The following TMEM74 variants were observed in gnomAD, a reference collection of about 807,000 sequenced individuals.
TMEM74 encodes the protein transmembrane protein 74.
A neutral mutation model predicts 18.1 loss-of-function variants in TMEM74; 13 were observed. The ratio of observed to expected loss-of-function variants is 0.72; its 90% CI spans 0.47 to 1.14. The LOEUF (loss-of-function observed/expected upper bound fraction) is 1.14, where lower values mean the gene tolerates loss of function less well. TMEM74 is among the 50% of genes most tolerant of loss of function. The probability of loss-of-function intolerance (pLI) is 0.00; values close to 1 mark genes in which losing one functional copy is unlikely to be tolerated. For missense variants in TMEM74, 372 were observed against 375.9 expected (o/e 0.99, Z 0.09); for synonymous variants, 159 against 146.6 (o/e 1.08, Z -0.61).
intron 1 of TMEM74, among the ~76,000 whole-genome samples, chr8:108,766,096 C>T (rs1463457839): frequency 6.6e-6 from 1 of 152,142 alleles, no homozygotes; most frequent in East Asian, 1.9e-4. Context: ...TAAATGACCT[C>T]ATCCAGCAGG....
In TMEM74 at chr8:108,721,145, C is replaced by T. The variant is rs111661145; in HGVS notation, n.120-65708G>A. On this transcript the variant is annotated intron_variant and non_coding_transcript_variant, in intron 1 of 3. Transcript: ENST00000518838. ...TTTAATCAGCATTAATTGAATGTCT[C>T]CTATGAGTAATGTGCTGGAGATACA... 4.4e-3 allele frequency among the ~76,000 whole-genome samples: 670 copies of T among 152,268 alleles called. 4 individuals carry two copies. Among genetic ancestry groups the T allele is most frequent in the African/African-American group, 0.015 (641 of 41,530 alleles).
At chr8:108,652,266 C>A (rs934675315) in intron 2 of TMEM74, 1 of 154,328 alleles carries the variant, frequency 6.5e-6, no homozygotes, top group East Asian at 1.9e-4. Flanking sequence ...ATCATGCAAC[C>A]TTTAAAAGAA....
intron 2 of TMEM74, among the ~76,000 whole-genome samples, chr8:108,619,825 T>A (rs867831583): frequency 6.6e-6 from 1 of 152,200 alleles, no homozygotes; most frequent in Admixed American, 6.5e-5. Flanking sequence ...ATCTTTTAAA[T>A]GTCTGTGTAT....
intron 1 of TMEM74, among the ~76,000 whole-genome samples, chr8:108,773,282 A>AT (rs1251259643): frequency 8.5e-5 from 13 of 152,178 alleles, no homozygotes; most frequent in African/African-American, 2.2e-4. Context: ...GTCAGCTCTG[A>AT]TTTTTTAAAG....
intron 2 of TMEM74, among the ~76,000 whole-genome samples, chr8:108,626,261 ATGCTAT>A (rs1381997446): frequency 9.9e-5 from 15 of 152,072 alleles, no homozygotes; most frequent in African/African-American, 3.6e-4. Context: ...AAAATCCAGA[ATGCTAT>A]TGTATGATTC....
At chr8:108,725,872 C>T (rs1248070806) in intron 1 of TMEM74, among the ~76,000 whole-genome samples, 2 of 152,020 alleles carry the variant, frequency 1.3e-5, no homozygotes, top group Admixed American at 6.6e-5. Flanking sequence ...ATAAATTACT[C>T]AAAGGATAAT....
intron 2 of TMEM74, among the ~76,000 whole-genome samples, chr8:108,625,652 AAT>A (rs374510793): frequency 6.8e-4 from 104 of 152,100 alleles, no homozygotes; most frequent in African/African-American, 2.3e-3. Context: ...TACTTTATCA[AAT>A]ATATATCATT....
intron 1 of TMEM74, among the ~76,000 whole-genome samples, chr8:108,768,304 A>C (rs1814132793): frequency 6.6e-6 from 1 of 152,064 alleles, no homozygotes; most frequent in African/African-American, 2.4e-5. Context: ...TGAAATGACT[A>C]ATTTATTGCC....
chr8:108,617,024 G>T (rs1405999217), intron 2 of TMEM74, among the ~76,000 whole-genome samples: 1 of 151,662 alleles, frequency 6.6e-6, no homozygotes, highest in African/African-American at 2.4e-5. Flanking sequence ...TATAGTGGTA[G>T]AGCAGAGCAA....
Position 108,738,231 on chromosome 8 carries a change from A to G in TMEM74, n.119+49245T>C, listed in dbSNP as rs371284944. 2.7e-4 allele frequency among the ~76,000 whole-genome samples: 41 copies of G among 152,234 alleles called. No homozygotes were observed. The East Asian group carries it at 6.2e-3, about 23-fold the overall frequency. Reference sequence around the variant, plus strand: ...CCCACCTCTCTACTAAGCTTAATAAATGTTTGTGAATGGATCATAATTGTA... The same window carrying G: ...CCCACCTCTCTACTAAGCTTAATAAGTGTTTGTGAATGGATCATAATTGTA... On this transcript the variant is annotated intron_variant and non_coding_transcript_variant, in intron 1 of 3. Transcript: ENST00000518838.
chr8:108,688,616 G>A (rs1238154207), intron 1 of TMEM74, among the ~76,000 whole-genome samples: 1 of 152,116 alleles, frequency 6.6e-6, no homozygotes, highest in East Asian at 1.9e-4. Flanking sequence ...GATGTGCCTT[G>A]GCCAAAGGAA....
intron 2 of TMEM74, among the ~76,000 whole-genome samples, chr8:108,633,602 T>C (rs1197410413): frequency 6.6e-6 from 1 of 152,022 alleles, no homozygotes; most frequent in Non-Finnish European, 1.5e-5. Flanking sequence ...ATATAAGCAG[T>C]GAGTGCTAGA....
chr8:108,756,703 G>GAAAGAAAGAAT (rs1813976104), intron 1 of TMEM74, among the ~76,000 whole-genome samples: 1 of 69,090 alleles, frequency 1.4e-5, no homozygotes, highest in African/African-American at 5.5e-5. Flanking sequence ...AAAGAAGGAA[G>GAAAGAAAGAAT]GAAAGAAAGA....
intron 2 of TMEM74, among the ~76,000 whole-genome samples, chr8:108,632,895 G>A (rs552511397): frequency 1.3e-5 from 2 of 151,966 alleles, no homozygotes; most frequent in Non-Finnish European, 2.9e-5. Flanking sequence ...AGTAGAACAT[G>A]TTCTTCTAGT....
intron 1 of TMEM74, among the ~76,000 whole-genome samples, chr8:108,742,827 G>A (rs189982414): frequency 2.8e-3 from 431 of 152,244 alleles, no homozygotes; most frequent in Middle Eastern, 0.017. Flanking sequence ...AGAGACTTCC[G>A]TGTGAATCAA....
chr8:108,728,849 GC>G lies in TMEM74; in HGVS notation n.119+58626del, dbSNP rs978474658. On this transcript the variant is annotated intron_variant and non_coding_transcript_variant, in intron 1 of 3. Coordinates refer to the TMEM74 transcript ENST00000518838. ...GTTGAATGAATAAATGCGTTAAGAA[GC>G]CATGTGTTTTTCTAAGCAAAACAGG... is the stretch of plus-strand genomic sequence containing the variant. Among the ~76,000 whole-genome samples, 10 of 152,164 alleles carry G rather than the reference GC, an allele frequency of 6.6e-5. 1 individual carries two copies. The highest frequency in any genetic ancestry group is 2.2e-4 in the African/African-American group (9 of 41,440).
At chr8:108,756,599 A>AAAGGGAGG (rs1316384798) in intron 1 of TMEM74, among the ~76,000 whole-genome samples, 16 of 51,546 alleles carry the variant, frequency 3.1e-4, no homozygotes, top group East Asian at 6.1e-4. Flanking sequence ...AAAGAAAGAG[A>AAAGGGAGG]AAGGAAGGAA....
At chr8:108,714,910 C>T (rs959396962) in intron 1 of TMEM74, among the ~76,000 whole-genome samples, 3 of 152,126 alleles carry the variant, frequency 2.0e-5, no homozygotes, top group Non-Finnish European at 4.4e-5. Context: ...TCCATGTTTC[C>T]ATTCTATTTT....
At chr8:108,719,744 C>T (rs933404114) in intron 1 of TMEM74, among the ~76,000 whole-genome samples, 2 of 151,956 alleles carry the variant, frequency 1.3e-5, no homozygotes, top group African/African-American at 4.8e-5. Flanking sequence ...CTTGTATCAT[C>T]AAAGTTTCTT....
Sources: gnomAD v4.1 joint callset for allele counts (sites outside exome capture counted in the v4.1 genomes callset) on GRCh38, gnomAD v4.1.1 for gene constraint, MANE v1.5 for transcripts, NCBI Gene and HGNC (gene_info 2026-07-23, HGNC 2026-07-21) for gene names.